CNTN4: variants seen among roughly 807,000 people sequenced by gnomAD.
The protein encoded by CNTN4 is contactin-4.
In CNTN4, 77 loss-of-function variants were observed where a neutral mutation model predicts 122.5. That is an observed-to-expected ratio of 0.63 (90% CI 0.52 to 0.76). The LOEUF (loss-of-function observed/expected upper bound fraction) is 0.76, where lower values mean the gene tolerates loss of function less well. CNTN4 is among the 30% of genes least tolerant of loss of function. CNTN4 has a pLI of 0.00. For synonymous variants in CNTN4, 512 were observed against 447.0 expected (o/e 1.15, Z -1.83); for missense variants, 1,256 against 1,259.1 (o/e 1.00, Z 0.04).
At chr3:2,185,033 AT>A (rs2037183814) in intron 2 of CNTN4, among the ~76,000 whole-genome samples, 1 of 152,126 alleles carries the variant, frequency 6.6e-6, no homozygotes, top group African/African-American at 2.4e-5. Context: ...CTGGGCCTGG[AT>A]TCCTCATTGT....
chr3:2,339,744 C>T (rs1345521653), intron 3 of CNTN4, among the ~76,000 whole-genome samples: 2 of 149,430 alleles, frequency 1.3e-5, no homozygotes, highest in East Asian at 1.9e-4. Flanking sequence ...AGATGTAAAA[C>T]AGTAAAATGG....
intron 6 of CNTN4, among the ~76,000 whole-genome samples, chr3:2,767,809 AC>A (rs1333325264): frequency 6.6e-6 from 1 of 152,228 alleles, no homozygotes; most frequent in African/African-American, 2.4e-5. Flanking sequence ...ACAACCCAGC[AC>A]CTAGTACAGT....
chr3:2,332,191 A>G (rs1329263989), intron 2 of CNTN4, among the ~76,000 whole-genome samples: 1 of 152,176 alleles, frequency 6.6e-6, no homozygotes. Context: ...CACAATGCCA[A>G]CTACAGCTCC....
intron 21 of CNTN4, chr3:3,042,717 C>T: frequency 1.7e-6 from 1 of 584,622 alleles, no homozygotes; most frequent in East Asian, 2.9e-5. Context: ...TGACTCAAAA[C>T]AAACATGGGA....
At chr3:2,830,386 A>C (rs1413032638) in intron 7 of CNTN4, among the ~76,000 whole-genome samples, 2 of 152,220 alleles carry the variant, frequency 1.3e-5, no homozygotes, top group Non-Finnish European at 2.9e-5. Context: ...TTAGTACCGA[A>C]AGGAAATAAT....
intron 3 of CNTN4, among the ~76,000 whole-genome samples, chr3:2,465,560 C>T (rs537952914): frequency 3.0e-4 from 46 of 151,906 alleles, no homozygotes; most frequent in African/African-American, 4.1e-4. Context: ...GCCTGTAGTC[C>T]CAGCTACTCA....
chr3:2,268,199 A>G (rs2041132790), intron 2 of CNTN4, among the ~76,000 whole-genome samples: 1 of 152,156 alleles, frequency 6.6e-6, no homozygotes, highest in Non-Finnish European at 1.5e-5. Flanking sequence ...TCTAAGACTA[A>G]GAGAACATTA....
intron 2 of CNTN4, among the ~76,000 whole-genome samples, chr3:2,170,501 T>A (rs969856363): frequency 6.6e-6 from 1 of 152,202 alleles, no homozygotes; most frequent in African/African-American, 2.4e-5. Context: ...CACACTCTCC[T>A]CCTAAATGGG....
intron 6 of CNTN4, among the ~76,000 whole-genome samples, chr3:2,787,528 C>T (rs946717101): frequency 2.0e-5 from 3 of 152,084 alleles, no homozygotes; most frequent in East Asian, 1.9e-4. Flanking sequence ...GGTCAGTGTC[C>T]GAACTTTTTA....
chr3:2,334,855 C>T (rs901787851), intron 2 of CNTN4, among the ~76,000 whole-genome samples: 2 of 152,132 alleles, frequency 1.3e-5, no homozygotes, highest in African/African-American at 4.8e-5. Context: ...GAATTATTTT[C>T]ATGCTCTTAC....
At chr3:2,804,693 A>G (rs1344353527) in intron 6 of CNTN4, among the ~76,000 whole-genome samples, 1 of 151,230 alleles carries the variant, frequency 6.6e-6, no homozygotes, top group African/African-American at 2.4e-5. Flanking sequence ...GAGATCTGGA[A>G]TATCTTCACT....
intron 2 of CNTN4, among the ~76,000 whole-genome samples, chr3:2,133,821 T>G (rs1421835623): frequency 6.6e-6 from 1 of 152,208 alleles, no homozygotes; most frequent in Non-Finnish European, 1.5e-5. Flanking sequence ...TTTTCTAATT[T>G]ATCACTGGCT....
intron 13 of CNTN4, among the ~76,000 whole-genome samples, chr3:2,943,512 C>G (rs2094637521): frequency 6.6e-6 from 1 of 151,090 alleles, no homozygotes; most frequent in South Asian, 2.1e-4. Context: ...TCCAGCGTTT[C>G]ATGTTGATTA....
chr3:2,896,931 G>GT (rs58232281), intron 10 of CNTN4, among the ~76,000 whole-genome samples: 19,350 of 117,862 alleles, frequency 0.16, 1,398 homozygotes, highest in Middle Eastern at 0.26. Context: ...AATTTAGAGG[G>GT]TTTTTTTTTT....
chr3:2,329,209 C>T (rs1463895560), intron 2 of CNTN4, among the ~76,000 whole-genome samples: 1 of 152,102 alleles, frequency 6.6e-6, no homozygotes, highest in African/African-American at 2.4e-5. Context: ...GTGCAATGAC[C>T]ATATTTTTTA....
At chr3:2,844,286 T>C (rs1274546004) in intron 7 of CNTN4, among the ~76,000 whole-genome samples, 1 of 152,252 alleles carries the variant, frequency 6.6e-6, no homozygotes, top group African/African-American at 2.4e-5. Context: ...ATAATACTCC[T>C]TTTTGAGAAT....
intron 14 of CNTN4, among the ~76,000 whole-genome samples, chr3:3,025,675 T>C (rs1175804043): frequency 6.6e-6 from 1 of 152,152 alleles, no homozygotes; most frequent in Non-Finnish European, 1.5e-5. Context: ...ACTTTTACAA[T>C]AGAAAAAAAG....
chr3:2,367,247 T>G (rs1233157286), intron 3 of CNTN4, among the ~76,000 whole-genome samples: 1 of 152,226 alleles, frequency 6.6e-6, no homozygotes, highest in Non-Finnish European at 1.5e-5. Context: ...TTTATTATTC[T>G]TGAGAAAAGC....
Position 2,150,089 on chromosome 3 carries a change from C to T in CNTN4, c.-145+49450C>T, listed in dbSNP as rs201946364. On this transcript the variant is annotated intron_variant, in intron 2 of 24. Transcript: ENST00000418658. ...CTAATATTCTACAAGATGCTTAGCA[C>T]CATACTTGACACATTGTGAGCATTC... Among the ~76,000 whole-genome samples the T allele has an allele frequency of 4.0e-5, 6 of 151,818 alleles. No individual in the cohort carries two copies. The East Asian group carries it at 9.7e-4, about 24-fold the overall frequency.
Sources: allele counts gnomAD v4.1 joint callset (sites outside exome capture counted in the v4.1 genomes callset), GRCh38; gene constraint gnomAD v4.1.1; transcripts MANE v1.5; gene names NCBI Gene and HGNC (gene_info 2026-07-23, HGNC 2026-07-21).